Variants in DEPDC4 observed in about 807,000 individuals in gnomAD.
The protein encoded by DEPDC4 is DEP domain containing 4.
Under a neutral mutation model 52.0 loss-of-function variants are expected in DEPDC4, and 52 were observed. The observed-to-expected ratio is 1.00, with a 90% CI of 0.80 to 1.26. The LOEUF is 1.26. DEPDC4 is among the 50% of genes most tolerant of loss of function. The pLI, the probability that DEPDC4 is intolerant of heterozygous loss-of-function variation, is 0.00. For missense variants in DEPDC4, 530 were observed against 546.9 expected (o/e 0.97, Z 0.31); for synonymous variants, 201 against 196.8 (o/e 1.02, Z -0.18).
rs1422605446 is a variant in DEPDC4 at position 100,253,713 on chromosome 12, A to G, written c.881T>C (p.Ile294Thr). The G allele has an allele frequency of 1.6e-6, 2 of 1,283,520 alleles. No individual in the cohort carries two copies. The highest frequency in any genetic ancestry group is 2.0e-6 in the Non-Finnish European group (2 of 984,966). 79.5% of individuals were successfully genotyped at this position (1,283,520 alleles called of 1,614,324 possible). The change falls in exon 5 of 10, where the codon ATC becomes ACC. Residue 294 changes from isoleucine (I) to threonine (T), a missense_variant and splice_region_variant. Ile to Thr is a moderately conservative substitution (Grantham distance 89). Transcript: ENST00000550587. ...ELIPSLCLPE[I>T]DNWLNAAIEC... ...AATTGCTGCATTAAGCCAGTTATCG[A>G]TTCTAGAGGGAAAATGCAAACCAAA... is the stretch of plus-strand genomic sequence containing the variant.
chr12:100,262,194 T>C, intron 3 of DEPDC4, 70 bp downstream of exon 3: 10 of 1,500,792 alleles, frequency 6.7e-6, no homozygotes, highest in Non-Finnish European at 9.0e-6. Flanking sequence ...TGAAACTGCT[T>C]ATAAGAACCT....
chr12:100,268,059 T>TA (rs1425948964), upstream of DEPDC4, among the ~76,000 whole-genome samples: 3 of 152,286 alleles, frequency 2.0e-5, no homozygotes, highest in East Asian at 5.8e-4. Flanking sequence ...TTTGAGCACA[T>TA]ACCTGTGATC....
Position 100,256,204 on chromosome 12 carries a change from T to C in DEPDC4, c.723A>G (p.Leu241=). The C allele has an allele frequency of 6.2e-7, 1 of 1,612,064 alleles. No individual in the cohort carries two copies. Among genetic ancestry groups the C allele is most frequent in the Non-Finnish European group, 8.5e-7 (1 of 1,178,840 alleles). Residue 241 remains leucine (L), a synonymous_variant, in exon 4 of 10, where the codon TTA becomes TTG. Transcript: ENST00000550587. The part of the protein sequence containing the change: ...SKEDVWKEQT[L]LCLLQLIHLP... ...GGTGAATCAATTGAAGAAGACATAA[T>C]AATGTTTGTTCTTTCCAAACATCTT... is the stretch of plus-strand genomic sequence containing the variant.
chr12:100,261,807 A>G (rs80030233), intron 3 of DEPDC4: 7,383 of 456,480 alleles, frequency 0.016, 167 homozygotes, highest in African/African-American at 0.066. Flanking sequence ...ACACTAATAC[A>G]CTACTTAAAT....
At chr12:100,239,380 AT>A (rs896510850), downstream of DEPDC4, among the ~76,000 whole-genome samples, 164 of 142,004 alleles carry the variant, frequency 1.2e-3, no homozygotes, top group African/African-American at 1.3e-3. Flanking sequence ...CTGGCCAATA[AT>A]TTTTTTTTTT....
chr12:100,244,425 C>T (rs1184400394), intron 8 of DEPDC4, among the ~76,000 whole-genome samples: 3 of 151,652 alleles, frequency 2.0e-5, no homozygotes, highest in African/African-American at 7.3e-5. Flanking sequence ...TTGTGATCCA[C>T]CCGCCTCGGC....
chr12:100,257,440 G>A (rs146696434), intron 3 of DEPDC4, among the ~76,000 whole-genome samples: 41 of 151,978 alleles, frequency 2.7e-4, no homozygotes, highest in Non-Finnish European at 5.1e-4. Context: ...AGGCTGGAGT[G>A]CAATGGCACA....
At position 100,256,244 on chromosome 12, in the gene DEPDC4, T is replaced by C; in HGVS notation, c.701-18A>G. 1.9e-6 allele frequency: 3 copies of C among 1,574,784 alleles called. No individual in the cohort carries two copies. The highest frequency in any genetic ancestry group is 2.6e-6 in the Non-Finnish European group (3 of 1,149,796). On this transcript the variant is annotated intron_variant, in intron 3 of 9. Transcript: ENST00000550587. Reference sequence around the variant, plus strand: ...CCAAACATCTTGAAAAGGAAAGTAATGCAATGATCAAGATTGGTAAATAAA... The same window carrying C: ...CCAAACATCTTGAAAAGGAAAGTAACGCAATGATCAAGATTGGTAAATAAA...
chr12:100,266,450 T>A (rs1006826356), intron 1 of DEPDC4, among the ~76,000 whole-genome samples: 9 of 152,122 alleles, frequency 5.9e-5, no homozygotes, highest in Non-Finnish European at 1.2e-4. Flanking sequence ...CAGCCTGTTT[T>A]CCATAGACAG....
At chr12:100,279,290 C>T in the DEPDC4 span, among the ~76,000 whole-genome samples, 1 of 152,196 alleles carries the variant, frequency 6.6e-6, no homozygotes, top group East Asian at 1.9e-4. Flanking sequence ...GGTTCAGGCT[C>T]CTTTGAGAAT....
At chr12:100,244,784 C>T (rs1271172406) in intron 8 of DEPDC4, among the ~76,000 whole-genome samples, 1 of 150,192 alleles carries the variant, frequency 6.7e-6, no homozygotes, top group Non-Finnish European at 1.5e-5. Context: ...TTTAGCTCCT[C>T]TCTCTCCTCT....
chr12:100,257,605 C>T (rs1288756129), intron 3 of DEPDC4: 2 of 152,100 alleles, frequency 1.3e-5, no homozygotes, highest in African/African-American at 4.8e-5. Flanking sequence ...GAACTTCCAA[C>T]CTCAGGTCAT....
At chr12:100,245,327 C>A in intron 8 of DEPDC4, among the ~76,000 whole-genome samples, 1 of 152,144 alleles carries the variant, frequency 6.6e-6, no homozygotes, top group South Asian at 2.1e-4. Context: ...AGCGTAGTGG[C>A]GAGATCTCGG....
downstream of DEPDC4, among the ~76,000 whole-genome samples, chr12:100,238,543 G>A (rs1238643204): frequency 1.4e-5 from 2 of 138,726 alleles, no homozygotes; most frequent in African/African-American, 5.5e-5. Context: ...CTGGTGTGCA[G>A]TGGCATAATC....
chr12:100,236,395 A>G (rs1304410493), downstream of DEPDC4, among the ~76,000 whole-genome samples: 1 of 152,032 alleles, frequency 6.6e-6, no homozygotes, highest in Admixed American at 6.6e-5. Context: ...CTGTGGGAGT[A>G]AGGTAGTATT....
At position 100,253,507 on chromosome 12, in the gene DEPDC4, C is replaced by A; in HGVS notation, c.1087G>T (p.Gly363Ter). 2 of 1,272,258 alleles carry A rather than the reference C, an allele frequency of 1.6e-6. No homozygotes were observed. The highest frequency in any genetic ancestry group is 1.3e-5 in the South Asian group (1 of 79,622). The allele number at this position is 1,272,258 out of a possible 1,614,324, so 78.8% of individuals were successfully genotyped here. The change falls in exon 5 of 10, where the codon GGA (glycine) becomes TGA (stop). Residue 363 changes from glycine (G) to a stop codon, truncating the protein, a stop_gained. Transcript: ENST00000550587. LOFTEE classifies it high-confidence loss of function. ...LTDEYFDIHS[G>*]IIELLENEKR... ...ATCTTACCTAAAAGTTCAATAATTC[C>A]TGAATGAATATCAAAATACTCATCA... is the stretch of plus-strand genomic sequence containing the variant.
chr12:100,271,624 G>C (rs2096287814), upstream of DEPDC4, among the ~76,000 whole-genome samples: 1 of 152,068 alleles, frequency 6.6e-6, no homozygotes, highest in Non-Finnish European at 1.5e-5. Context: ...TGTGCTTTTT[G>C]AAAGTCTAGT....
At chr12:100,277,065 TATTG>T in the DEPDC4 span, among the ~76,000 whole-genome samples, 1 of 152,224 alleles carries the variant, frequency 6.6e-6, no homozygotes, top group Non-Finnish European at 1.5e-5. Context: ...TTTAATCTAT[TATTG>T]ATTTCTAGTT....
At chr12:100,278,842 A>T in the DEPDC4 span, among the ~76,000 whole-genome samples, 4 of 151,904 alleles carry the variant, frequency 2.6e-5, no homozygotes, top group Non-Finnish European at 4.4e-5. Flanking sequence ...GTTTGCCAGG[A>T]TGGTCTCCAT....
Sources: gnomAD v4.1 joint callset for allele counts (sites outside exome capture counted in the v4.1 genomes callset) on GRCh38, gnomAD v4.1.1 for gene constraint, MANE v1.5 for transcripts, NCBI Gene and HGNC (gene_info 2026-07-23, HGNC 2026-07-21) for gene names.